SLC19A2: variants seen among roughly 807,000 people sequenced by gnomAD.
The protein encoded by SLC19A2 is thiamine transporter 1.
SLC19A2 carries 27 observed loss-of-function variants against 44.7 expected under a neutral mutation model. The ratio of observed to expected loss-of-function variants is 0.60; its 90% confidence interval spans 0.45 to 0.83. The LOEUF is 0.83. Ranked by LOEUF, SLC19A2 falls within the 40% of genes least tolerant of loss-of-function variation. SLC19A2 has a pLI of 0.00. For synonymous variants in SLC19A2, 239 were observed against 243.6 expected (o/e 0.98, Z 0.18); for missense variants, 566 against 613.7 (o/e 0.92, Z 0.82).
At chr1:169,477,090 T>C (rs1658337327) in intron 2 of SLC19A2, 65 bp downstream of exon 2, 1 of 1,583,342 alleles carries the variant, frequency 6.3e-7, no homozygotes, top group African/African-American at 1.3e-5. Flanking sequence ...GGGAGTTTGC[T>C]GTTTTTTTCA....
At chr1:169,480,922 A>G (rs1658428829) in intron 1 of SLC19A2, among the ~76,000 whole-genome samples, 1 of 152,236 alleles carries the variant, frequency 6.6e-6, no homozygotes, top group African/African-American at 2.4e-5. Context: ...GTCTAATTCT[A>G]CTATTACAAA....
At chr1:169,477,903 T>C in intron 1 of SLC19A2, 146 bp from the exon 2 acceptor site, 2 of 856,844 alleles carry the variant, frequency 2.3e-6, no homozygotes, top group Non-Finnish European at 3.6e-6. Flanking sequence ...ACTTTGAAAA[T>C]GTCTTTTCTC....
rs373156529 is a variant in SLC19A2, at chr1:169,470,003, T to A, written c.991A>T (p.Ile331Phe). 6.2e-6 allele frequency: 10 copies of A among 1,613,808 alleles called. No homozygotes were observed. In the African/African-American group the frequency reaches 1.2e-4, roughly 19 times the overall value. Residue 331 changes from isoleucine to phenylalanine, a missense_variant, in exon 3 of 6, where the codon ATC becomes TTC. By Grantham distance (21) the Ile-to-Phe change is conservative (BLOSUM62 0). Coordinates refer to ENST00000236137, the MANE Select transcript of SLC19A2 (RefSeq NM_006996.3). ...ACGGCCTCCACGCCACCATTATAGATAGCAGCATAGCGAGAAGGCATCACT... is the reference window on the plus strand; with the variant it reads ...ACGGCCTCCACGCCACCATTATAGAAAGCAGCATAGCGAGAAGGCATCACT... The part of the protein sequence containing the change: ...EKVMPSRYAA[I>F]YNGGVEAVST...
rs1460058259 is a variant in SLC19A2 at position 169,485,749 on chromosome 1, C to G, written c.18G>C (p.Pro6=). The change falls in exon 1 of 6, where the codon CCG becomes CCC. Residue 6 remains proline (P), a synonymous_variant. Coordinates refer to ENST00000236137, the MANE Select transcript of SLC19A2 (RefSeq NM_006996.3). The part of the protein sequence containing the change: MDVPG[P]VSRRAAAAAA... ...CCGCCGCCGCCGCCCGCCGAGACAC[C>G]GGGCCGGGCACATCCATCCGGGGCG... 6.5e-7 allele frequency: 1 copy of G among 1,535,508 alleles called. No individual in the cohort carries two copies. Among genetic ancestry groups the G allele is most frequent in the Admixed American group, 2.0e-5 (1 of 50,828 alleles).
At chr1:169,468,967 G>T (rs1222620250) in intron 3 of SLC19A2, 131 bp from the exon 4 acceptor site, 4 of 779,818 alleles carry the variant, frequency 5.1e-6, no homozygotes, top group African/African-American at 1.8e-5. Context: ...AGATTATGGA[G>T]GGCCTTGAAA....
intron 1 of SLC19A2, among the ~76,000 whole-genome samples, chr1:169,484,634 T>C (rs1398772474): frequency 6.6e-6 from 1 of 152,254 alleles, no homozygotes; most frequent in Admixed American, 6.5e-5. Flanking sequence ...TCTCAGTTTA[T>C]ATATTGTCTT....
Position 169,480,512 on chromosome 1 carries a change from A to C in SLC19A2, c.205-2755T>G, listed in dbSNP as rs140918878. On this transcript the variant is annotated intron_variant, in intron 1 of 5. Transcript: ENST00000236137. The stretch of plus-strand genomic sequence containing the variant: ...TATTTTTGGGAGAGACAGGGTTTCA[A>C]TATGTTGGCCAGGCTGGTCTCGAAC... Among the ~76,000 whole-genome samples, 531 of 151,872 alleles carry C rather than the reference A, an allele frequency of 3.5e-3. 6 individuals are homozygous for C. The highest frequency in any genetic ancestry group is 0.012 in the African/African-American group (500 of 41,422).
In SLC19A2 at chr1:169,464,419, C is replaced by A. The variant is rs889952001; in HGVS notation, c.*1430G>T. 2.0e-5 allele frequency: 3 copies of A among 152,054 alleles called. No homozygotes were observed. Among genetic ancestry groups the A allele is most frequent in the African/African-American group, 7.3e-5 (3 of 41,374 alleles). The allele number at this position is 152,054 out of a possible 1,614,324, so 9.4% of individuals were successfully genotyped here. Reference sequence around the variant, plus strand: ...TAAAGGATGGTGAATAGAAAATGACCTATTCTTATCCCCATCCATTTGCTT... The same window carrying A: ...TAAAGGATGGTGAATAGAAAATGACATATTCTTATCCCCATCCATTTGCTT... On this transcript the variant is annotated 3_prime_UTR_variant, in exon 6 of 6. Transcript: ENST00000236137.
intron 2 of SLC19A2, chr1:169,474,214 TA>T (rs558226813): frequency 2.0e-5 from 3 of 152,178 alleles, no homozygotes; most frequent in Admixed American, 6.5e-5. Flanking sequence ...GTGGAAGCAT[TA>T]ATTTCACTGT....
In SLC19A2 at chr1:169,468,674, A is replaced by C. The variant is rs1276489884; in HGVS notation, c.1193T>G (p.Ile398Ser). The change falls in exon 4 of 6, where the codon ATC becomes AGC. Residue 398 changes from isoleucine to serine, a missense_variant. By Grantham distance (142) the Ile-to-Ser change is moderately radical. Coordinates refer to ENST00000236137, the MANE Select transcript of SLC19A2 (RefSeq NM_006996.3). ...VCYASYVVFRIIYMLLITIAT... is the reference protein window; with the variant it reads ...VCYASYVVFRSIYMLLITIAT... The stretch of plus-strand genomic sequence containing the variant: ...TATCGTGATGAGTAACATGTAGATG[A>C]TTCTGAAGACAACATAGGATGCATA... 1 of 1,613,918 alleles carries C rather than the reference A, an allele frequency of 6.2e-7. No homozygotes were observed. The highest frequency in any genetic ancestry group is 2.2e-5 in the East Asian group (1 of 44,864).
intron 3 of SLC19A2, chr1:169,469,203 A>G (rs1658109351): frequency 6.5e-6 from 2 of 306,272 alleles, no homozygotes; most frequent in Non-Finnish European, 6.2e-6. Flanking sequence ...CAAACCAAGG[A>G]GCAGTCTAGA....
At chr1:169,474,107 G>A (rs944328602) in intron 2 of SLC19A2, 2 of 152,136 alleles carry the variant, frequency 1.3e-5, no homozygotes, top group Admixed American at 6.5e-5. Flanking sequence ...GGTTCTCAGG[G>A]TTTATTGTAG....
rs879564962 is a variant in SLC19A2, at chr1:169,478,929, T to TAA, written c.205-1174_205-1173dup. On this transcript the variant is annotated intron_variant, in intron 1 of 5. Transcript: ENST00000236137. Reference sequence around the variant, plus strand: ...ATGACAGAGCAAGACTCTGTCTCTTTAAAAAAAAAAAATGCCCAGCCACAG... The same window carrying TAA: ...ATGACAGAGCAAGACTCTGTCTCTTTAAAAAAAAAAAAAATGCCCAGCCACAG... Among the ~76,000 whole-genome samples, 32 of 145,314 alleles carry TAA rather than the reference T, an allele frequency of 2.2e-4. 1 individual carries two copies. The highest frequency in any genetic ancestry group is 8.0e-4 in the African/African-American group (32 of 39,840).
rs761316918 is a variant in SLC19A2 at position 169,485,602 on chromosome 1, C to G, written c.165G>C (p.Pro55=). 4 of 1,584,114 alleles carry G rather than the reference C, an allele frequency of 2.5e-6. No homozygotes were observed. Among genetic ancestry groups the G allele is most frequent in the African/African-American group, 2.7e-5 (2 of 74,162 alleles). Residue 55 remains proline, a synonymous_variant, in exon 1 of 6, where the codon CCG becomes CCC. Transcript: ENST00000236137. ...SLRPSEPFLT[P]YLLGPDKNLT... is the part of the protein sequence containing the mutation. ...GGTTCTTGTCCGGCCCCAGCAGGTA[C>G]GGGGTCAGGAAGGGCTCGGACGGCC...
intron 1 of SLC19A2, 88 bp downstream of exon 1, chr1:169,485,475 G>A (rs999809738): frequency 1.3e-5 from 18 of 1,392,494 alleles, no homozygotes; most frequent in Non-Finnish European, 1.7e-5. Flanking sequence ...AGAATGGCTC[G>A]AGCGCTTTTC....
chr1:169,477,074 C>T, intron 2 of SLC19A2, 81 bp downstream of exon 2: 5 of 1,474,122 alleles, frequency 3.4e-6, no homozygotes, highest in Non-Finnish European at 4.7e-6. Flanking sequence ...ACAAGATCTA[C>T]CAAGAGGGAG....
intron 1 of SLC19A2, among the ~76,000 whole-genome samples, chr1:169,479,916 G>A (rs1224379040): frequency 6.6e-6 from 1 of 152,138 alleles, no homozygotes; most frequent in Non-Finnish European, 1.5e-5. Context: ...AAAAATTGTT[G>A]CAAAATCTCT....
chr1:169,468,435 T>A, intron 4 of SLC19A2, 183 bp from the exon 5 acceptor site: 1 of 701,232 alleles, frequency 1.4e-6, no homozygotes, highest in Non-Finnish European at 2.3e-6. Context: ...TGCAAACATC[T>A]GAAAACAGTA....
chr1:169,485,387 C>A (rs189260486), intron 1 of SLC19A2, among the ~76,000 whole-genome samples, 176 bp downstream of exon 1: 144 of 152,270 alleles, frequency 9.5e-4, no homozygotes, highest in African/African-American at 3.2e-3. Flanking sequence ...CCTACAGAGC[C>A]GAAGAAAACA....
Sources: gnomAD v4.1 joint callset for allele counts (sites outside exome capture counted in the v4.1 genomes callset) on GRCh38, gnomAD v4.1.1 for gene constraint, MANE v1.5 for transcripts, NCBI Gene and HGNC (gene_info 2026-07-23, HGNC 2026-07-21) for gene names.